MNAT1: variants seen among roughly 807,000 people sequenced by gnomAD.
MNAT1 encodes CDK-activating kinase assembly factor MAT1.
A neutral mutation model predicts 42.0 loss-of-function variants in MNAT1; 43 were observed. The ratio of observed to expected loss-of-function variants is 1.02; its 90% CI spans 0.80 to 1.32. The LOEUF (loss-of-function observed/expected upper bound fraction) is 1.32, where lower values mean the gene tolerates loss of function less well. MNAT1 is among the 40% of genes most tolerant of loss of function. The pLI, the probability that MNAT1 is intolerant of heterozygous loss-of-function variation, is 0.00. For synonymous variants in MNAT1, 118 were observed against 120.0 expected (o/e 0.98, Z 0.11); for missense variants, 306 against 350.4 (o/e 0.87, Z 1.01).
chr14:60,912,990 C>T (rs1209213854), intron 7 of MNAT1, among the ~76,000 whole-genome samples: 1 of 152,230 alleles, frequency 6.6e-6, no homozygotes, highest in Non-Finnish European at 1.5e-5. Context: ...GGTCTTTTCA[C>T]ATAGTCACAT....
At chr14:60,783,841 A>AT (rs2031548027) in intron 1 of MNAT1, among the ~76,000 whole-genome samples, 1 of 151,640 alleles carries the variant, frequency 6.6e-6, no homozygotes, top group African/African-American at 2.4e-5. Context: ...ATATTTACGT[A>AT]TTTTTTGAGA....
chr14:60,884,394 G>A (rs978316793), intron 7 of MNAT1, among the ~76,000 whole-genome samples: 1 of 152,064 alleles, frequency 6.6e-6, no homozygotes, highest in Non-Finnish European at 1.5e-5. Context: ...AACCATCCTT[G>A]TATTCCTGGG....
intron 7 of MNAT1, among the ~76,000 whole-genome samples, chr14:60,927,782 A>G (rs918406979): frequency 3.3e-5 from 5 of 152,090 alleles, no homozygotes; most frequent in African/African-American, 9.7e-5. Context: ...GACTGGATGT[A>G]TGTGCCTTGT....
At chr14:60,795,815 T>A (rs1475453896) in intron 1 of MNAT1, among the ~76,000 whole-genome samples, 1 of 152,138 alleles carries the variant, frequency 6.6e-6, no homozygotes, top group Non-Finnish European at 1.5e-5. Context: ...GTGCTTGGGG[T>A]ATATAGGGCT....
intron 7 of MNAT1, among the ~76,000 whole-genome samples, chr14:60,903,719 G>A (rs1388089329): frequency 6.6e-6 from 1 of 151,938 alleles, no homozygotes; most frequent in Non-Finnish European, 1.5e-5. Context: ...AGAGAATGTG[G>A]CATTCTGTAT....
At chr14:60,849,327 A>G (rs1480783650) in intron 6 of MNAT1, among the ~76,000 whole-genome samples, 1 of 152,214 alleles carries the variant, frequency 6.6e-6, no homozygotes, top group Non-Finnish European at 1.5e-5. Flanking sequence ...TCATTGCTTA[A>G]CAATATATTT....
intron 6 of MNAT1, among the ~76,000 whole-genome samples, chr14:60,855,795 G>C (rs897000127): frequency 1.3e-5 from 2 of 152,076 alleles, no homozygotes; most frequent in Admixed American, 6.6e-5. Context: ...TATCATATCT[G>C]TTGTGCTGAA....
intron 7 of MNAT1, among the ~76,000 whole-genome samples, chr14:60,938,480 A>G (rs1402530263): frequency 6.6e-6 from 1 of 152,166 alleles, no homozygotes; most frequent in Non-Finnish European, 1.5e-5. Context: ...CTCTATTGAG[A>G]TAATCATGTG....
At chr14:60,764,135 G>T (rs1463084891) in intron 1 of MNAT1, among the ~76,000 whole-genome samples, 2 of 152,098 alleles carry the variant, frequency 1.3e-5, no homozygotes, top group Admixed American at 6.6e-5. Flanking sequence ...TGACTTAATT[G>T]TTCTCTTTTT....
At chr14:60,883,712 A>G (rs763450033) in intron 7 of MNAT1, among the ~76,000 whole-genome samples, 16 of 152,252 alleles carry the variant, frequency 1.1e-4, no homozygotes, top group Non-Finnish European at 2.1e-4. Context: ...ATCCATGAAC[A>G]TGGAATATCT....
chr14:60,959,945 A>G (rs1490909369), intron 7 of MNAT1, among the ~76,000 whole-genome samples: 2 of 72,686 alleles, frequency 2.8e-5, no homozygotes, highest in Admixed American at 1.9e-4. Flanking sequence ...TTTGCTAAGC[A>G]TTGTTTCTGA....
chr14:60,805,150 T>A (rs1326713970), intron 3 of MNAT1, among the ~76,000 whole-genome samples: 2 of 152,158 alleles, frequency 1.3e-5, no homozygotes, highest in African/African-American at 4.8e-5. Context: ...TGGGTATTAG[T>A]TTATTTTTTC....
intron 5 of MNAT1, among the ~76,000 whole-genome samples, chr14:60,812,800 G>A (rs943908810): frequency 2.0e-5 from 3 of 152,132 alleles, no homozygotes; most frequent in African/African-American, 7.2e-5. Context: ...AAGACGACTT[G>A]CTCTTCCTGT....
At chr14:60,756,181 A>G (rs1282095833) in intron 1 of MNAT1, among the ~76,000 whole-genome samples, 1 of 152,228 alleles carries the variant, frequency 6.6e-6, no homozygotes, top group Non-Finnish European at 1.5e-5. Context: ...CATATAGCAC[A>G]ATGTGGGAAC....
At chr14:60,831,156 T>G (rs576375516) in intron 6 of MNAT1, among the ~76,000 whole-genome samples, 7 of 151,816 alleles carry the variant, frequency 4.6e-5, no homozygotes, top group African/African-American at 1.7e-4. Context: ...GGAGGTTTGT[T>G]CTTGGGATAC....
chr14:60,788,132 C>G (rs2351278), intron 1 of MNAT1, among the ~76,000 whole-genome samples: 139,478 of 152,180 alleles, frequency 0.92, 64,648 homozygotes, highest in Non-Finnish European at 0.99. Flanking sequence ...GTCAGAATTA[C>G]TCCTTGACCC....
At chr14:60,820,646 C>T in intron 6 of MNAT1, among the ~76,000 whole-genome samples, 1 of 151,866 alleles carries the variant, frequency 6.6e-6, no homozygotes, top group East Asian at 1.9e-4. Flanking sequence ...CTTCTCTCCA[C>T]CTCTTATCAT....
chr14:60,850,332 C>T (rs903712718), intron 6 of MNAT1, among the ~76,000 whole-genome samples: 1 of 152,112 alleles, frequency 6.6e-6, no homozygotes, highest in African/African-American at 2.4e-5. Context: ...CAAAGTTTCA[C>T]TGTTTTATCA....
At chr14:60,798,980 C>A (rs1373084140) in intron 3 of MNAT1, among the ~76,000 whole-genome samples, 1 of 152,068 alleles carries the variant, frequency 6.6e-6, no homozygotes, top group Non-Finnish European at 1.5e-5. Flanking sequence ...TAAAATGGAT[C>A]ATTCTTTAGA....
Sources: allele counts gnomAD v4.1 joint callset (sites outside exome capture counted in the v4.1 genomes callset), GRCh38; gene constraint gnomAD v4.1.1; transcripts MANE v1.5; gene names NCBI Gene and HGNC (gene_info 2026-07-23, HGNC 2026-07-21).